Variants in RIMS4 observed in about 807,000 individuals in gnomAD.
The protein encoded by RIMS4 is regulating synaptic membrane exocytosis protein 4.
RIMS4 carries 9 observed loss-of-function variants against 29.0 expected under a neutral mutation model. The observed-to-expected ratio is 0.31, with a 90% confidence interval of 0.19 to 0.54. RIMS4 has a LOEUF of 0.54. RIMS4 is among the 20% of genes least tolerant of loss of function. The pLI is 0.94. For missense variants in RIMS4, 193 were observed against 365.7 expected (o/e 0.53, Z 3.85); for synonymous variants, 130 against 152.9 (o/e 0.85, Z 1.10).
chr20:44,756,807 A>AC lies in RIMS4; in HGVS notation c.591+90dup, dbSNP rs1306279222. 1.5e-6 allele frequency: 2 copies of AC among 1,336,884 alleles called. No individual in the cohort carries two copies. Among genetic ancestry groups the AC allele is most frequent in the Non-Finnish European group, 1.0e-6 (1 of 998,004 alleles). The allele number at this position is 1,336,884 out of a possible 1,614,324, so 82.8% of individuals were successfully genotyped here. A position where few individuals can be genotyped will look rare whatever the true frequency, so the allele number is the denominator to read the frequency against. On this transcript the variant is annotated intron_variant, in intron 5 of 5. Coordinates refer to ENST00000372851, the MANE Select transcript of RIMS4 (RefSeq NM_182970.4). The surrounding 1 kb of genome is among the most constrained non-coding windows in gnomAD (Gnocchi z 5.9). ...CCTCCAGGCGAGGCCCTCCAGAGAC[A>AC]CCCCCCGCCAGGGGTGCCCTCCTCT...
At chr20:44,762,311 T>A (rs1246897782) in intron 2 of RIMS4, among the ~76,000 whole-genome samples, 1 of 152,164 alleles carries the variant, frequency 6.6e-6, no homozygotes, top group Non-Finnish European at 1.5e-5. Flanking sequence ...TGGGGACCCC[T>A]GACCTCTTTC....
In RIMS4 at chr20:44,754,075, A is replaced by G. The variant is rs1477449634; in HGVS notation, c.*2059T>C. ...CGCTCTCCTGGCTCAAAATATTCCAATGGTAAGTAATAAACGAACAGCAGA... is the reference window on the plus strand; with the variant it reads ...CGCTCTCCTGGCTCAAAATATTCCAGTGGTAAGTAATAAACGAACAGCAGA... On this transcript the variant is annotated 3_prime_UTR_variant, in exon 6 of 6. Transcript: ENST00000372851. 6.6e-6 allele frequency: 1 copy of G among 152,240 alleles called. No individual in the cohort carries two copies. The highest frequency in any genetic ancestry group is 1.5e-5 in the Non-Finnish European group (1 of 68,068). 9.4% of individuals were successfully genotyped at this position (152,240 alleles called of 1,614,324 possible). A position where few individuals can be genotyped will look rare whatever the true frequency, so the allele number is the denominator to read the frequency against.
chr20:44,802,901 A>T lies in RIMS4; in HGVS notation c.97+7274T>A, dbSNP rs547733582. On this transcript the variant is annotated intron_variant, in intron 1 of 5. Transcript: ENST00000372851. ...TTCCCTAAAACTCAAACTCGCACTG[A>T]CCTCAGGGCCTTTGCACAGTTATTC... is the stretch of plus-strand genomic sequence containing the variant. Among the ~76,000 whole-genome samples the T allele has an allele frequency of 5.9e-5, 9 of 151,962 alleles. No individual in the cohort carries two copies. The South Asian group carries it at 1.9e-3, about 32-fold the overall frequency.
At chr20:44,781,940 T>C (rs1296361206) in intron 1 of RIMS4, among the ~76,000 whole-genome samples, 2 of 152,190 alleles carry the variant, frequency 1.3e-5, no homozygotes, top group African/African-American at 2.4e-5. Flanking sequence ...ATGATGCACA[T>C]ACCAGGTGTT....
intron 2 of RIMS4, among the ~76,000 whole-genome samples, chr20:44,765,583 C>T (rs370507912): frequency 3.3e-5 from 5 of 152,184 alleles, no homozygotes; most frequent in Non-Finnish European, 7.3e-5. Context: ...CCTTTGGGCA[C>T]GGGAATGCTG....
rs944132361 is a variant in RIMS4, at chr20:44,756,764, T to G, written c.591+134A>C. 1.4e-6 allele frequency: 1 copy of G among 729,256 alleles called. No individual in the cohort carries two copies. Among genetic ancestry groups the G allele is most frequent in the African/African-American group, 1.8e-5 (1 of 57,012 alleles). 45.2% of individuals were successfully genotyped at this position (729,256 alleles called of 1,614,324 possible). A position where few individuals can be genotyped will look rare whatever the true frequency, so the allele number is the denominator to read the frequency against. On this transcript the variant is annotated intron_variant, in intron 5 of 5. Transcript: ENST00000372851. This position sits in a 1 kb window ranked among gnomAD's most constrained non-coding sequence, Gnocchi z 5.9. The stretch of plus-strand genomic sequence containing the variant: ...GGAGCTCAGTTCAGCCACAGTGAAC[T>G]GAGGGCCTCGCCTGTTTCCTCCAGG...
rs1375008483 is a variant in RIMS4, at chr20:44,758,099, G to A, written c.322C>T (p.Arg108Cys). 1 of 1,611,994 alleles carries A rather than the reference G, an allele frequency of 6.2e-7. No homozygotes were observed. Among genetic ancestry groups the A allele is most frequent in the Non-Finnish European group, 8.5e-7 (1 of 1,178,754 alleles). Residue 108 changes from arginine to cysteine, a missense_variant, in exon 3 of 6, where the codon CGC becomes TGC. Arg to Cys is a radical substitution (Grantham distance 180). Coordinates refer to ENST00000372851, the MANE Select transcript of RIMS4 (RefSeq NM_182970.4). ...ATGGGTGTGGTGGCCAGGGTCTGGC[G>A]GCCCACAAACTGTGCCGGCCCCATG... ...GSMGPAQFVGRQTLATTPMGD... is the reference protein window; with the variant it reads ...GSMGPAQFVGCQTLATTPMGD...
At chr20:44,793,213 T>C (rs2066240488) in intron 1 of RIMS4, among the ~76,000 whole-genome samples, 2 of 152,192 alleles carry the variant, frequency 1.3e-5, no homozygotes, top group African/African-American at 4.8e-5. Context: ...CCCTCCAAGA[T>C]TGTGCGGCCC....
chr20:44,780,165 G>C (rs977419727), intron 1 of RIMS4, among the ~76,000 whole-genome samples: 1 of 152,088 alleles, frequency 6.6e-6, no homozygotes. Flanking sequence ...TTATTTCATC[G>C]ATTCTAAGAC....
intron 1 of RIMS4, among the ~76,000 whole-genome samples, chr20:44,804,863 C>A (rs192518067): frequency 2.6e-5 from 4 of 152,242 alleles, no homozygotes; most frequent in Non-Finnish European, 4.4e-5. Flanking sequence ...GAAGGGGGTG[C>A]CTAAGGGAGA....
Position 44,804,275 on chromosome 20 carries a change from T to G in RIMS4, c.97+5900A>C, listed in dbSNP as rs760561345. Among the ~76,000 whole-genome samples, 25 of 152,244 alleles carry G rather than the reference T, an allele frequency of 1.6e-4. 1 individual carries two copies. Among genetic ancestry groups the G allele is most frequent in the Admixed American group, 1.4e-3 (21 of 15,280 alleles). On this transcript the variant is annotated intron_variant, in intron 1 of 5. Coordinates refer to ENST00000372851, the MANE Select transcript of RIMS4 (RefSeq NM_182970.4). ...ATTTTATTTTTATAATCCTGAGAGA[T>G]GCTTGAACAAAAATAATTAACCCTT...
At chr20:44,809,628 G>C (rs764250722) in intron 1 of RIMS4, among the ~76,000 whole-genome samples, 2 of 152,220 alleles carry the variant, frequency 1.3e-5, no homozygotes, top group Non-Finnish European at 2.9e-5. Context: ...TAAGAAGCAG[G>C]AGTCTGGAGC....
intron 2 of RIMS4, among the ~76,000 whole-genome samples, chr20:44,762,099 T>TC (rs2066087956): frequency 6.6e-6 from 1 of 152,174 alleles, no homozygotes; most frequent in Non-Finnish European, 1.5e-5. Flanking sequence ...TTAGTTAGAT[T>TC]CTCACAAGGA....
At chr20:44,760,617 C>T (rs1249098642) in intron 2 of RIMS4, among the ~76,000 whole-genome samples, 1 of 152,200 alleles carries the variant, frequency 6.6e-6, no homozygotes, top group Non-Finnish European at 1.5e-5. Flanking sequence ...ACAATAATAG[C>T]AGCCAATGCT....
intron 4 of RIMS4, among the ~76,000 whole-genome samples, chr20:44,757,405 G>A (rs949121441): frequency 6.6e-6 from 1 of 152,084 alleles, no homozygotes; most frequent in African/African-American, 2.4e-5. Flanking sequence ...AACCCTGCTA[G>A]GCACTGGGGT....
chr20:44,792,350 T>C (rs1419454463), intron 1 of RIMS4, among the ~76,000 whole-genome samples: 1 of 151,766 alleles, frequency 6.6e-6, no homozygotes, highest in Non-Finnish European at 1.5e-5. Context: ...TGGAGTACAG[T>C]GGTGTGATCT....
chr20:44,763,509 A>AAT (rs1191073340), intron 2 of RIMS4, among the ~76,000 whole-genome samples: 1 of 152,246 alleles, frequency 6.6e-6, no homozygotes, highest in Non-Finnish European at 1.5e-5. Flanking sequence ...GATGCCTGAG[A>AAT]ATAAGCCCAA....
At position 44,771,293 on chromosome 20, in the gene RIMS4, C is replaced by A. The variant is rs755049580; in HGVS notation, c.218G>T (p.Ser73Ile). ...SHESIEDSMN[S>I]YGSEGNLNYG... ...CACTTACTTGCCCTCTGAGCCATAG[C>A]TGTTCATGCTGTCCTCAATGGACTC... Residue 73 changes from serine (S) to isoleucine (I), a missense_variant, in exon 2 of 6, where the codon AGC becomes ATC. Ser to Ile is a moderately radical substitution (Grantham distance 142). Transcript: ENST00000372851. The A allele has an allele frequency of 1.9e-6, 3 of 1,612,140 alleles. No homozygotes were observed. The highest frequency in any genetic ancestry group is 3.3e-5 in the Admixed American group (2 of 59,976).
At chr20:44,763,116 G>A (rs1234234773) in intron 2 of RIMS4, among the ~76,000 whole-genome samples, 1 of 152,214 alleles carries the variant, frequency 6.6e-6, no homozygotes, top group East Asian at 1.9e-4. Flanking sequence ...TGCAACAGGA[G>A]CTCAATAGAT....
Sources: allele counts gnomAD v4.1 joint callset (sites outside exome capture counted in the v4.1 genomes callset), GRCh38; gene constraint gnomAD v4.1.1; non-coding constraint Gnocchi (gnomAD v3.1); transcripts MANE v1.5; gene names NCBI Gene and HGNC (gene_info 2026-07-23, HGNC 2026-07-21).